The following ALG8 variants were observed in gnomAD, a reference collection of about 807,000 sequenced individuals.
ALG8 encodes the protein ALG8 alpha-1,3-glucosyltransferase.
A neutral mutation model predicts 70.2 loss-of-function variants in ALG8; 48 were observed. The observed-to-expected ratio is 0.68, with a 90% CI of 0.54 to 0.87. The LOEUF (loss-of-function observed/expected upper bound fraction) is 0.87, where lower values mean the gene tolerates loss of function less well. ALG8 is among the 40% of genes least tolerant of loss of function. The pLI is 0.00. For synonymous variants in ALG8, 234 were observed against 229.0 expected, an observed-to-expected ratio of 1.02 and a Z score of -0.20; for missense variants, 572 against 608.7, an observed-to-expected ratio of 0.94 and a Z score of 0.64.
intron 8 of ALG8, among the ~76,000 whole-genome samples, chr11:78,111,977 TAA>T (rs1860309667): frequency 6.6e-6 from 1 of 152,102 alleles, no homozygotes; most frequent in African/African-American, 2.4e-5. Context: ...TGTTTAGGTT[TAA>T]AAGTGGGGTA....
intron 3 of ALG8, among the ~76,000 whole-genome samples, chr11:78,122,726 C>T (rs113503042): frequency 0.029 from 4,431 of 152,226 alleles, 218 homozygotes; most frequent in African/African-American, 0.1. Flanking sequence ...GTATACTCTT[C>T]CCCTGGAAGC....
At position 78,121,132 on chromosome 11, in the gene ALG8, A is replaced by G. The variant is rs1156516429; in HGVS notation, c.411T>C (p.Leu137=). The G allele has an allele frequency of 6.2e-7, 1 of 1,613,954 alleles. No homozygotes were observed. Among genetic ancestry groups the G allele is most frequent in the Admixed American group, 1.7e-5 (1 of 60,008 alleles). Residue 137 remains leucine, a synonymous_variant, in exon 4 of 13, where the codon CTT becomes CTC. Coordinates refer to ENST00000299626, the MANE Select transcript of ALG8 (RefSeq NM_024079.5). ...CIDGKKVGKE[L]TEKPKFILSV... is the part of the protein sequence containing the mutation. ...ACAGAATAAATTTTGGCTTTTCTGT[A>G]AGTTCTTTACCCACTTTTTTTCCAT...
intron 8 of ALG8, chr11:78,112,447 G>A (rs2136898734): frequency 1.7e-6 from 1 of 599,894 alleles, no homozygotes; most frequent in East Asian, 3.5e-5. Flanking sequence ...ACCACAAGGA[G>A]CTTTTATAAG....
At chr11:78,110,511 G>C (rs1164813961) in intron 8 of ALG8, among the ~76,000 whole-genome samples, 3 of 152,154 alleles carry the variant, frequency 2.0e-5, no homozygotes, top group Admixed American at 1.3e-4. Flanking sequence ...CACTCTAACA[G>C]TGTTCACCAC....
intron 1 of ALG8, among the ~76,000 whole-genome samples, chr11:78,128,962 A>G (rs1218901220): frequency 6.6e-6 from 1 of 151,960 alleles, no homozygotes; most frequent in Non-Finnish European, 1.5e-5. Context: ...TAAGTTGTGG[A>G]GACAGACACC....
rs541455322 is a variant in ALG8 at position 78,119,414 on chromosome 11, A to G, written c.479-165T>C. Reference sequence around the variant, plus strand: ...AAATATGTTTTCTATAAACAGATTCAAATTTTTTTTTTAATTTTTTTTTTT... The same window carrying G: ...AAATATGTTTTCTATAAACAGATTCGAATTTTTTTTTTAATTTTTTTTTTT... On this transcript the variant is annotated intron_variant, in intron 4 of 12. Coordinates refer to ENST00000299626, the MANE Select transcript of ALG8 (RefSeq NM_024079.5). Among the ~76,000 whole-genome samples, 4 of 149,504 alleles carry G rather than the reference A, an allele frequency of 2.7e-5. No homozygotes were observed. In the South Asian group the frequency reaches 8.4e-4, roughly 31 times the overall value.
At chr11:78,110,434 C>T (rs558048520) in intron 8 of ALG8, among the ~76,000 whole-genome samples, 12 of 152,136 alleles carry the variant, frequency 7.9e-5, no homozygotes, top group East Asian at 3.8e-4. Flanking sequence ...TCAGGTGATC[C>T]GCCCATCTCA....
At chr11:78,115,379 G>A (rs934278839) in intron 5 of ALG8, among the ~76,000 whole-genome samples, 1 of 151,822 alleles carries the variant, frequency 6.6e-6, no homozygotes, top group Admixed American at 6.6e-5. Context: ...ATAGGCAAGT[G>A]ATTCCAGCTA....
chr11:78,112,830 G>A, intron 7 of ALG8, 60 bp from the exon 8 acceptor site: 1 of 1,584,828 alleles, frequency 6.3e-7, no homozygotes, highest in Non-Finnish European at 8.6e-7. Flanking sequence ...AATTCAAAAA[G>A]AGAACTAGGG....
At chr11:78,136,073 G>C (rs554270054) in intron 1 of ALG8, among the ~76,000 whole-genome samples, 39 of 152,160 alleles carry the variant, frequency 2.6e-4, no homozygotes, top group Admixed American at 2.4e-3. Context: ...GGGGAGCTGA[G>C]ATGGGAGGAT....
intron 1 of ALG8, among the ~76,000 whole-genome samples, chr11:78,131,801 A>T (rs1348408351): frequency 1.3e-5 from 2 of 152,024 alleles, no homozygotes; most frequent in Non-Finnish European, 2.9e-5. Context: ...AAAACCTACC[A>T]TCTCTTACTT....
At chr11:78,106,089 G>GT (rs746552049) in intron 10 of ALG8, among the ~76,000 whole-genome samples, 2 of 152,196 alleles carry the variant, frequency 1.3e-5, no homozygotes, top group Non-Finnish European at 2.9e-5. Flanking sequence ...ATGTAGTACA[G>GT]TATCAGGTAT....
intron 5 of ALG8, among the ~76,000 whole-genome samples, chr11:78,116,892 A>G (rs1252950025): frequency 6.6e-6 from 1 of 152,192 alleles, no homozygotes; most frequent in East Asian, 1.9e-4. Flanking sequence ...TAATAACAAA[A>G]AAGAGTGGGA....
chr11:78,135,558 T>A (rs1487622414), intron 1 of ALG8, among the ~76,000 whole-genome samples: 1 of 149,174 alleles, frequency 6.7e-6, no homozygotes, highest in African/African-American at 2.5e-5. Context: ...AAAATACATT[T>A]AAAAAAAAAG....
intron 1 of ALG8, among the ~76,000 whole-genome samples, chr11:78,132,238 C>T (rs1861337639): frequency 6.6e-6 from 1 of 152,196 alleles, no homozygotes; most frequent in Non-Finnish European, 1.5e-5. Context: ...CAAATACTTC[C>T]AAAGTTAGTT....
At chr11:78,104,648 T>G in intron 10 of ALG8, 195 bp from the exon 11 acceptor site, 1 of 541,200 alleles carries the variant, frequency 1.8e-6, no homozygotes, top group Non-Finnish European at 3.3e-6. Flanking sequence ...TGTATCAAAC[T>G]GAATCAGGGG....
chr11:78,126,253 G>A (rs1440767960), intron 2 of ALG8, among the ~76,000 whole-genome samples: 1 of 152,052 alleles, frequency 6.6e-6, no homozygotes, highest in Non-Finnish European at 1.5e-5. Flanking sequence ...AATACAAGCT[G>A]GGTGCAGTGG....
At chr11:78,117,161 C>CT (rs1435555248) in intron 5 of ALG8, among the ~76,000 whole-genome samples, 1 of 152,100 alleles carries the variant, frequency 6.6e-6, no homozygotes, top group African/African-American at 2.4e-5. Flanking sequence ...CATTTTACAA[C>CT]TAAGAATGTA....
chr11:78,120,553 C>T (rs1358016783), intron 4 of ALG8, among the ~76,000 whole-genome samples: 2 of 152,200 alleles, frequency 1.3e-5, no homozygotes, highest in Non-Finnish European at 2.9e-5. Flanking sequence ...AGGCTGGGTG[C>T]TTTCCTCCAC....
Sources: gnomAD v4.1 joint callset for allele counts (sites outside exome capture counted in the v4.1 genomes callset) on GRCh38, gnomAD v4.1.1 for gene constraint, MANE v1.5 for transcripts, NCBI Gene and HGNC (gene_info 2026-07-23, HGNC 2026-07-21) for gene names.